The following SLC11A2 variants were observed in gnomAD, a reference collection of about 807,000 sequenced individuals.
The protein encoded by SLC11A2 is natural resistance-associated macrophage protein 2.
SLC11A2 carries 38 observed loss-of-function variants against 68.0 expected under a neutral mutation model. The observed-to-expected ratio is 0.56, with a 90% confidence interval of 0.43 to 0.73. The LOEUF (loss-of-function observed/expected upper bound fraction) is 0.73, where lower values mean the gene tolerates loss of function less well. SLC11A2 is among the 30% of genes least tolerant of loss of function. The pLI, the probability that SLC11A2 is intolerant of heterozygous loss-of-function variation, is 0.00. For missense variants in SLC11A2, 517 were observed against 690.5 expected (o/e 0.75, Z 2.82); for synonymous variants, 242 against 250.6 (o/e 0.97, Z 0.32).
downstream of SLC11A2, chr12:50,980,031 G>A (rs1173351265): frequency 6.9e-6 from 3 of 433,050 alleles, no homozygotes; most frequent in South Asian, 4.8e-5. Context: ...TTCAACACCA[G>A]CCTGGGCAAC....
chr12:51,013,435 C>T (rs957685298), intron 1 of SLC11A2, among the ~76,000 whole-genome samples: 21 of 151,776 alleles, frequency 1.4e-4, no homozygotes, highest in African/African-American at 4.4e-4. Flanking sequence ...GGATTACAGG[C>T]GCCCACCACC....
At chr12:50,959,490 T>C in the SLC11A2 span, among the ~76,000 whole-genome samples, 1 of 152,236 alleles carries the variant, frequency 6.6e-6, no homozygotes. Context: ...TATTTTTGTT[T>C]TGTTTTGCAT....
intron 2 of SLC11A2, among the ~76,000 whole-genome samples, chr12:51,010,244 G>A (rs889146945): frequency 6.6e-6 from 1 of 151,134 alleles, no homozygotes; most frequent in Non-Finnish European, 1.5e-5. Context: ...CAGGATGGGC[G>A]CGGTAGCTCA....
intron 2 of SLC11A2, among the ~76,000 whole-genome samples, chr12:51,010,424 A>G (rs886548005): frequency 6.6e-6 from 1 of 151,618 alleles, no homozygotes; most frequent in African/African-American, 2.4e-5. Context: ...AGGCTGAAGC[A>G]GGAGCATCAC....
chr12:50,992,446 A>T, intron 12 of SLC11A2, 107 bp from the exon 13 acceptor site: 1 of 1,059,928 alleles, frequency 9.4e-7, no homozygotes, highest in Non-Finnish European at 1.4e-6. Flanking sequence ...AAGTGACAAA[A>T]GGGGCCAGGC....
At chr12:50,994,235 C>G (rs1233036926) in intron 11 of SLC11A2, among the ~76,000 whole-genome samples, 1 of 151,898 alleles carries the variant, frequency 6.6e-6, no homozygotes, top group East Asian at 1.9e-4. Flanking sequence ...TTAGTAGAGA[C>G]AGGGTTTCAC....
chr12:50,961,375 C>A, the SLC11A2 span, among the ~76,000 whole-genome samples: 1 of 152,146 alleles, frequency 6.6e-6, no homozygotes, highest in Non-Finnish European at 1.5e-5. Flanking sequence ...TAGTTCCTAT[C>A]CTATAACTCA....
chr12:50,994,736 G>A, intron 10 of SLC11A2, 106 bp from the exon 11 acceptor site: 1 of 741,230 alleles, frequency 1.3e-6, no homozygotes, highest in Non-Finnish European at 2.5e-6. Flanking sequence ...TAGGCTGGAG[G>A]GAAAACACTG....
At chr12:50,964,576 G>A in the SLC11A2 span, among the ~76,000 whole-genome samples, 8 of 152,314 alleles carry the variant, frequency 5.3e-5, no homozygotes, top group African/African-American at 1.9e-4. Flanking sequence ...ACTAGATTAT[G>A]ACATACGGCT....
the SLC11A2 span, chr12:50,953,984 T>C: frequency 2.0e-6 from 3 of 1,513,660 alleles, no homozygotes; most frequent in Admixed American, 3.4e-5. Context: ...TATCCTATTG[T>C]TACTAGAGAA....
the SLC11A2 span, among the ~76,000 whole-genome samples, chr12:50,970,197 T>C: frequency 1.3e-5 from 2 of 152,230 alleles, no homozygotes; most frequent in Non-Finnish European, 2.9e-5. Context: ...ATTTCACCAA[T>C]ATTTTGGTGG....
chr12:50,993,403 T>C (rs1445482330), intron 11 of SLC11A2, among the ~76,000 whole-genome samples: 2 of 151,994 alleles, frequency 1.3e-5, no homozygotes, highest in African/African-American at 2.4e-5. Flanking sequence ...CTAAGAACAC[T>C]TTCTTGGGGC....
At chr12:51,012,388 T>C (rs185061533) in intron 1 of SLC11A2, among the ~76,000 whole-genome samples, 1 of 152,338 alleles carries the variant, frequency 6.6e-6, no homozygotes, top group Admixed American at 6.5e-5. Flanking sequence ...TACTTCTCAG[T>C]TGATTTCAAA....
chr12:50,987,718 C>T lies in SLC11A2; in HGVS notation c.*607G>A, dbSNP rs1940734420. 2.3e-6 allele frequency: 3 copies of T among 1,287,060 alleles called. No individual in the cohort carries two copies. Among genetic ancestry groups the T allele is most frequent in the Non-Finnish European group, 3.0e-6 (3 of 988,620 alleles). 79.7% of individuals were successfully genotyped at this position (1,287,060 alleles called of 1,614,324 possible). A position where few individuals can be genotyped will look rare whatever the true frequency, so the allele number is the denominator to read the frequency against. On this transcript the variant is annotated 3_prime_UTR_variant, in exon 16 of 16. Coordinates refer to ENST00000262052, the MANE Select transcript of SLC11A2 (RefSeq NM_000617.3). Reference sequence around the variant, plus strand: ...GTCAGTTTTTCCCCTTCTTTGTTTTCTCACCCCTCTTAACTTCCACTGAGA... The same window carrying T: ...GTCAGTTTTTCCCCTTCTTTGTTTTTTCACCCCTCTTAACTTCCACTGAGA...
chr12:51,027,170 C>A (rs1174653699), upstream of SLC11A2, among the ~76,000 whole-genome samples: 5 of 58,724 alleles, frequency 8.5e-5, no homozygotes, highest in African/African-American at 1.5e-4. Context: ...AGCGAAAACT[C>A]CGTCTAAAAA....
At position 50,988,114 on chromosome 12, in the gene SLC11A2, G is replaced by T. The variant is rs1371603195; in HGVS notation, c.*211C>A. ...TAGCAGCAAATGTCAGCTTTTCAAA[G>T]ATCCCACCCTAATCCAGTTCTAAGG... On this transcript the variant is annotated 3_prime_UTR_variant, in exon 16 of 16. Coordinates refer to ENST00000262052, the MANE Select transcript of SLC11A2 (RefSeq NM_000617.3). The T allele has an allele frequency of 3.4e-6, 5 of 1,487,716 alleles. No homozygotes were observed. The African/African-American group carries it at 7.0e-5, about 21-fold the overall frequency. The allele number at this position is 1,487,716 out of a possible 1,614,324, so 92.2% of individuals were successfully genotyped here.
rs1405407804 is a variant in SLC11A2, at chr12:50,999,169, C to T, written c.675+5G>A. ...AGAAGCTAATGAATATCCTGTACCA[C>T]TTGCCTCATATCCAAATGTGAGGGC... On this transcript the variant is annotated splice_donor_5th_base_variant and intron_variant, in intron 8 of 15. Coordinates refer to ENST00000262052, the MANE Select transcript of SLC11A2 (RefSeq NM_000617.3). The T allele has an allele frequency of 6.2e-7, 1 of 1,605,734 alleles. No homozygotes were observed. Among genetic ancestry groups the T allele is most frequent in the Non-Finnish European group, 8.5e-7 (1 of 1,172,566 alleles).
rs575222948 is a variant in SLC11A2 at position 51,005,010 on chromosome 12, G to C, written c.310-103C>G. ...ACATGAGTGGTAAATACTGCATTCA[G>C]AAAAGAGCCCAGGTCAAGAATCAAA... is the stretch of plus-strand genomic sequence containing the variant. On this transcript the variant is annotated intron_variant, in intron 4 of 15. Transcript: ENST00000262052. 61 of 1,341,606 alleles carry C rather than the reference G, an allele frequency of 4.5e-5. No homozygotes were observed. The South Asian group carries it at 7.0e-4, about 15-fold the overall frequency. The allele number at this position is 1,341,606 out of a possible 1,614,324, so 83.1% of individuals were successfully genotyped here. A position where few individuals can be genotyped will look rare whatever the true frequency, so the allele number is the denominator to read the frequency against.
chr12:51,021,472 A>G (rs944067545), intron 1 of SLC11A2, among the ~76,000 whole-genome samples: 9 of 152,126 alleles, frequency 5.9e-5, no homozygotes, highest in Non-Finnish European at 1.0e-4. Context: ...CTAAAAATAC[A>G]ATAATTAGCC....
Sources: gnomAD v4.1 joint callset for allele counts (sites outside exome capture counted in the v4.1 genomes callset) on GRCh38, gnomAD v4.1.1 for gene constraint, MANE v1.5 for transcripts, NCBI Gene and HGNC (gene_info 2026-07-23, HGNC 2026-07-21) for gene names.